The following DRAXIN variants were observed in gnomAD, a reference collection of about 807,000 sequenced individuals.
The protein encoded by DRAXIN is dorsal repulsive axon guidance protein.
Under a neutral mutation model 33.9 loss-of-function variants are expected in DRAXIN, and 27 were observed. The ratio of observed to expected loss-of-function variants is 0.80; its 90% CI spans 0.59 to 1.10. DRAXIN has a LOEUF of 1.10. Among genes scored for constraint, DRAXIN ranks in the 50% least tolerant of loss-of-function variants. The pLI is 0.00. For missense variants in DRAXIN, 371 were observed against 460.8 expected, an observed-to-expected ratio of 0.81 and a Z score of 1.78; for synonymous variants, 178 against 194.0, an observed-to-expected ratio of 0.92 and a Z score of 0.69.
rs755400537 is a variant in DRAXIN at position 11,709,457 on chromosome 1, C to T, written c.634C>T (p.Arg212Trp). ...CCTGATCCTGCCCGTCACCTCCCTG[C>T]GGCCCCAGGTAAGGGGTCCCCAAAC... is the stretch of plus-strand genomic sequence containing the variant. ...ESLILPVTSL[R>W]PQQAQPRSDG... Residue 212 changes from arginine to tryptophan, a missense_variant, in exon 3 of 7, where the codon CGG becomes TGG. Physicochemically the swap from Arg to Trp is moderately radical, Grantham distance 101. Coordinates refer to ENST00000294485, the MANE Select transcript of DRAXIN (RefSeq NM_198545.4). 1.6e-5 allele frequency: 26 copies of T among 1,612,136 alleles called. No individual in the cohort carries two copies. The highest frequency in any genetic ancestry group is 1.6e-4 in the Middle Eastern group (1 of 6,072).
Position 11,692,970 on chromosome 1 carries a change from T to C in DRAXIN, c.-11+1117T>C, listed in dbSNP as rs1276042054. 6.9e-6 allele frequency among the ~76,000 whole-genome samples: 1 copy of C among 145,730 alleles called. No homozygotes were observed. Among genetic ancestry groups the C allele is most frequent in the Non-Finnish European group, 1.5e-5 (1 of 66,136 alleles). Reference sequence around the variant, plus strand: ...GAAGGGAGGGGAGGGGAGGGGAGTCTACAGACCTGGGATGGGGTGGGGACA... The same window carrying C: ...GAAGGGAGGGGAGGGGAGGGGAGTCCACAGACCTGGGATGGGGTGGGGACA... On this transcript the variant is annotated intron_variant, in intron 1 of 6. Transcript: ENST00000294485. The surrounding 1 kb of genome is among the most constrained non-coding windows in gnomAD (Gnocchi z 5.8).
At position 11,719,967 on chromosome 1, in the gene DRAXIN, C is replaced by T. The variant is rs1570323242; in HGVS notation, c.*271C>T. 1 of 441,156 alleles carries T rather than the reference C, an allele frequency of 2.3e-6. No homozygotes were observed. The highest frequency in any genetic ancestry group is 2.7e-5 in the South Asian group (1 of 37,500). The allele number at this position is 441,156 out of a possible 1,614,324, so 27.3% of individuals were successfully genotyped here. ...TCCGCGATGGCAATGCCGAGAGTGC[C>T]CTCTACTGTCCGACTCCAGCACTGC... is the stretch of plus-strand genomic sequence containing the variant. On this transcript the variant is annotated 3_prime_UTR_variant, in exon 7 of 7. Transcript: ENST00000294485.
chr1:11,690,368 G>A (rs149972462), upstream of DRAXIN, among the ~76,000 whole-genome samples: 1,779 of 152,184 alleles, frequency 0.012, 15 homozygotes, highest in South Asian at 0.032. The surrounding 1 kb of genome is among the most constrained non-coding windows in gnomAD (Gnocchi z 4.2). Flanking sequence ...ATAATATCAC[G>A]GTAACAATGG....
chr1:11,724,741 A>G lies in DRAXIN; in HGVS notation c.*5045A>G, dbSNP rs547071995. 2 of 152,460 alleles carry G rather than the reference A, an allele frequency of 1.3e-5. No individual in the cohort carries two copies. Among genetic ancestry groups the G allele is most frequent in the Non-Finnish European group, 1.5e-5 (1 of 68,094 alleles). 9.4% of individuals were successfully genotyped at this position (152,460 alleles called of 1,614,324 possible). On this transcript the variant is annotated 3_prime_UTR_variant, in exon 7 of 7. Coordinates refer to ENST00000294485, the MANE Select transcript of DRAXIN (RefSeq NM_198545.4). ...TTATAAAACAACAGAACAGCCAGGA[A>G]AATGGTGCTAGGAGAGACAGTGGAG...
At chr1:11,693,020 A>G (rs1248377836) in intron 1 of DRAXIN, among the ~76,000 whole-genome samples, 2 of 151,846 alleles carry the variant, frequency 1.3e-5, no homozygotes, top group African/African-American at 2.4e-5. Flanking sequence ...AATGGATCTC[A>G]AAGTCAAGGC....
chr1:11,701,821 A>G lies in DRAXIN; in HGVS notation c.-10-4428A>G, dbSNP rs1314551301. Among the ~76,000 whole-genome samples, 3 of 152,196 alleles carry G rather than the reference A, an allele frequency of 2.0e-5. No homozygotes were observed. The East Asian group carries it at 5.8e-4, about 29-fold the overall frequency. Reference sequence around the variant, plus strand: ...GCCTCCAACTGGCTTTCAGAGTGACAGAAATGGATTGGAGCCCTTGGTCGC... The same window carrying G: ...GCCTCCAACTGGCTTTCAGAGTGACGGAAATGGATTGGAGCCCTTGGTCGC... On this transcript the variant is annotated intron_variant, in intron 1 of 6. Transcript: ENST00000294485.
chr1:11,701,022 G>A (rs940064485), intron 1 of DRAXIN, among the ~76,000 whole-genome samples: 1 of 152,164 alleles, frequency 6.6e-6, no homozygotes, highest in Admixed American at 6.5e-5. Context: ...CTCCAGGCTC[G>A]ATTCATCGCC....
intron 1 of DRAXIN, among the ~76,000 whole-genome samples, chr1:11,701,097 G>A (rs1013741856): frequency 4.6e-5 from 7 of 152,208 alleles, no homozygotes; most frequent in Non-Finnish European, 1.5e-5. Context: ...ACAAGATGGG[G>A]GCTTGAGATA....
intron 3 of DRAXIN, 74 bp downstream of exon 3, chr1:11,709,539 T>C (rs1164120833): frequency 8.8e-6 from 13 of 1,480,068 alleles, no homozygotes; most frequent in Non-Finnish European, 1.1e-5. Flanking sequence ...TCTTAATACA[T>C]GTAGGGAGAC....
chr1:11,701,083 G>C (rs1258469106), intron 1 of DRAXIN, among the ~76,000 whole-genome samples: 1 of 152,186 alleles, frequency 6.6e-6, no homozygotes, highest in Admixed American at 6.5e-5. Context: ...CCCTAGGATG[G>C]GGGACAAGAT....
At chr1:11,703,071 C>T (rs1641323131) in intron 1 of DRAXIN, among the ~76,000 whole-genome samples, 1 of 152,200 alleles carries the variant, frequency 6.6e-6, no homozygotes, top group African/African-American at 2.4e-5. Flanking sequence ...GTGCTCAATC[C>T]ACTTCTGTTC....
chr1:11,709,956 G>T (rs1641449982), intron 3 of DRAXIN, among the ~76,000 whole-genome samples: 1 of 152,150 alleles, frequency 6.6e-6, no homozygotes, highest in African/African-American at 2.4e-5. Flanking sequence ...GGAGGCCAAG[G>T]TGGGCAGATC....
chr1:11,688,496 G>A (rs757839921), upstream of DRAXIN, among the ~76,000 whole-genome samples: 13 of 152,192 alleles, frequency 8.5e-5, no homozygotes, highest in Non-Finnish European at 1.3e-4. The surrounding 1 kb of genome is among the most constrained non-coding windows in gnomAD (Gnocchi z 4.6). Flanking sequence ...GGGAGGCAGA[G>A]GTTGCAGTGA....
intron 1 of DRAXIN, among the ~76,000 whole-genome samples, chr1:11,703,138 GA>G (rs1641324897): frequency 6.6e-6 from 1 of 152,248 alleles, no homozygotes; most frequent in Non-Finnish European, 1.5e-5. Flanking sequence ...CCGCAGAGCA[GA>G]AGGGAATGTG....
chr1:11,691,332 G>C (rs1402587493), upstream of DRAXIN: 1 of 152,144 alleles, frequency 6.6e-6, no homozygotes. Flanking sequence ...CCCTGCGCGG[G>C]GCCGCTCCAG....
At chr1:11,702,285 TCA>T (rs1294397613) in intron 1 of DRAXIN, among the ~76,000 whole-genome samples, 4 of 145,942 alleles carry the variant, frequency 2.7e-5, no homozygotes, top group South Asian at 2.2e-4. Flanking sequence ...CCATACATAT[TCA>T]CACTCACATG....
Position 11,704,164 on chromosome 1 carries a change from A to C in DRAXIN, c.-10-2085A>C, listed in dbSNP as rs1249704522. Among the ~76,000 whole-genome samples the C allele has an allele frequency of 3.3e-5, 5 of 151,924 alleles. No individual in the cohort carries two copies. Among genetic ancestry groups the C allele is most frequent in the African/African-American group, 1.2e-4 (5 of 41,332 alleles). ...CCCCTCAACCCCCAGGACAAGGAGG[A>C]GGTGGTGATTCCTTTCATTGGCCAA... On this transcript the variant is annotated intron_variant, in intron 1 of 6. Coordinates refer to ENST00000294485, the MANE Select transcript of DRAXIN (RefSeq NM_198545.4). This position sits in a 1 kb window ranked among gnomAD's most constrained non-coding sequence, Gnocchi z 4.6.
Position 11,696,694 on chromosome 1 carries a change from A to C in DRAXIN, c.-11+4841A>C, listed in dbSNP as rs1641197504. On this transcript the variant is annotated intron_variant, in intron 1 of 6. Coordinates refer to ENST00000294485, the MANE Select transcript of DRAXIN (RefSeq NM_198545.4). The surrounding 1 kb of genome is among the most constrained non-coding windows in gnomAD (Gnocchi z 4.7). ...ACGGTGAAACTCTGTCTGTACTAAAAATGCAAAAATTAGCCGGGCGTGGTG... is the reference window on the plus strand; with the variant it reads ...ACGGTGAAACTCTGTCTGTACTAAACATGCAAAAATTAGCCGGGCGTGGTG... 6.6e-6 allele frequency among the ~76,000 whole-genome samples: 1 copy of C among 151,996 alleles called. No homozygotes were observed. The highest frequency in any genetic ancestry group is 1.5e-5 in the Non-Finnish European group (1 of 67,984).
intron 3 of DRAXIN, among the ~76,000 whole-genome samples, chr1:11,711,091 AG>A (rs1314263356): frequency 6.6e-6 from 1 of 152,226 alleles, no homozygotes; most frequent in Non-Finnish European, 1.5e-5. Flanking sequence ...CAGGAGTTCG[AG>A]ACCAGCCTGG....
Sources: allele counts gnomAD v4.1 joint callset (sites outside exome capture counted in the v4.1 genomes callset), GRCh38; gene constraint gnomAD v4.1.1; non-coding constraint Gnocchi (gnomAD v3.1); transcripts MANE v1.5; gene names NCBI Gene and HGNC (gene_info 2026-07-23, HGNC 2026-07-21).